The following LRFN2 variants were observed in gnomAD, a reference collection of about 807,000 sequenced individuals.
The protein encoded by LRFN2 is leucine rich repeat and fibronectin type III domain containing 2, also known as leucine-rich repeat and fibronectin type-III domain-containing protein 2.
In LRFN2, 18 loss-of-function variants were observed where a neutral mutation model predicts 37.3. The ratio of observed to expected loss-of-function variants is 0.48; its 90% CI spans 0.33 to 0.72. The LOEUF is 0.72. Ranked by LOEUF, LRFN2 falls within the 30% of genes least tolerant of loss-of-function variation. LRFN2 has a pLI of 0.02. For missense variants in LRFN2, 1,006 were observed against 1,060.7 expected (o/e 0.95, Z 0.72); for synonymous variants, 556 against 466.6 (o/e 1.19, Z -2.47).
At chr6:40,542,680 C>T (rs1766578527) in intron 1 of LRFN2, among the ~76,000 whole-genome samples, 1 of 152,148 alleles carries the variant, frequency 6.6e-6, no homozygotes. Flanking sequence ...AGCCCTGCTC[C>T]CCAACTCTGA....
intron 1 of LRFN2, chr6:40,517,258 A>T (rs1351376352): frequency 6.6e-6 from 1 of 152,126 alleles, no homozygotes; most frequent in Non-Finnish European, 1.5e-5. Flanking sequence ...CCTCTGTACC[A>T]AGTAGAAGGA....
At chr6:40,415,972 G>C (rs1581688213) in intron 2 of LRFN2, among the ~76,000 whole-genome samples, 1 of 152,244 alleles carries the variant, frequency 6.6e-6, no homozygotes, top group East Asian at 1.9e-4. Flanking sequence ...GTTGGAGGTA[G>C]AGGGAGATAG....
intron 2 of LRFN2, among the ~76,000 whole-genome samples, chr6:40,403,052 A>G (rs1237164035): frequency 2.6e-5 from 4 of 152,186 alleles, no homozygotes; most frequent in African/African-American, 9.7e-5. Flanking sequence ...AAGGTAGTAG[A>G]TAGGAGCCAG....
At chr6:40,430,158 G>T (rs1458253150) in intron 2 of LRFN2, among the ~76,000 whole-genome samples, 1 of 152,066 alleles carries the variant, frequency 6.6e-6, no homozygotes, top group East Asian at 1.9e-4. Flanking sequence ...GGTAACTTCC[G>T]ATGCTGCTTT....
In LRFN2 at chr6:40,585,196, C is replaced by T. The variant is rs949674176; in HGVS notation, c.-19+1745G>A. On this transcript the variant is annotated intron_variant, in intron 1 of 2. Transcript: ENST00000338305. Reference sequence around the variant, plus strand: ...ACAGAAATGCCAAGTTTGCTGTTTGCATCCCCAGGATGAGGGCAGGAAGAT... The same window carrying T: ...ACAGAAATGCCAAGTTTGCTGTTTGTATCCCCAGGATGAGGGCAGGAAGAT... Among the ~76,000 whole-genome samples the T allele has an allele frequency of 2.0e-5, 3 of 152,202 alleles. No individual in the cohort carries two copies. The South Asian group carries it at 6.2e-4, about 32-fold the overall frequency.
intron 1 of LRFN2, among the ~76,000 whole-genome samples, chr6:40,484,394 C>T (rs1353198917): frequency 6.6e-6 from 1 of 152,186 alleles, no homozygotes; most frequent in Admixed American, 6.5e-5. Flanking sequence ...TGCCCCCACC[C>T]GCTGAGCCCC....
intron 1 of LRFN2, among the ~76,000 whole-genome samples, chr6:40,582,817 C>T (rs1328274225): frequency 6.6e-6 from 1 of 152,016 alleles, no homozygotes; most frequent in Non-Finnish European, 1.5e-5. Flanking sequence ...CTGAGCGGCC[C>T]AGAACATAGC....
chr6:40,456,520 T>A (rs1053179135), intron 1 of LRFN2, among the ~76,000 whole-genome samples: 6 of 152,242 alleles, frequency 3.9e-5, no homozygotes, highest in African/African-American at 1.4e-4. Flanking sequence ...TGTGCTCTTG[T>A]GTGTGGCCAA....
chr6:40,568,030 C>T (rs1469259136), intron 1 of LRFN2, among the ~76,000 whole-genome samples: 1 of 152,230 alleles, frequency 6.6e-6, no homozygotes, highest in African/African-American at 2.4e-5. Context: ...AAACAAAATT[C>T]ACTCTTCCCA....
At chr6:40,414,598 TG>T (rs772099895) in intron 2 of LRFN2, among the ~76,000 whole-genome samples, 19 of 152,258 alleles carry the variant, frequency 1.2e-4, no homozygotes, top group Non-Finnish European at 2.2e-4. Context: ...CCATTGGCTT[TG>T]TGATTTATAA....
intron 1 of LRFN2, chr6:40,501,639 A>C (rs538967531): frequency 1.4e-4 from 21 of 152,252 alleles, no homozygotes; most frequent in Admixed American, 1.4e-3. Flanking sequence ...ATTTTTAAAT[A>C]ATCAGATTAA....
intron 1 of LRFN2, among the ~76,000 whole-genome samples, chr6:40,541,678 C>A (rs895335786): frequency 6.6e-6 from 1 of 152,128 alleles, no homozygotes; most frequent in Non-Finnish European, 1.5e-5. Flanking sequence ...ATCATTGGCA[C>A]GCTCCCAGAC....
At chr6:40,445,786 T>G (rs1763955751) in intron 1 of LRFN2, among the ~76,000 whole-genome samples, 1 of 152,226 alleles carries the variant, frequency 6.6e-6, no homozygotes, top group Admixed American at 6.5e-5. Context: ...GCTTCAATCC[T>G]GGCCTGCCTC....
intron 1 of LRFN2, among the ~76,000 whole-genome samples, chr6:40,460,370 T>C (rs1430314841): frequency 6.6e-6 from 1 of 152,146 alleles, no homozygotes; most frequent in African/African-American, 2.4e-5. Flanking sequence ...GACCCGGATT[T>C]GCATGCTCCT....
rs145048439 is a variant in LRFN2, at chr6:40,536,120, G to A, written c.-19+50821C>T. Among the ~76,000 whole-genome samples the A allele has an allele frequency of 3.9e-4, 59 of 152,226 alleles. 1 individual carries two copies. The highest frequency in any genetic ancestry group is 1.3e-3 in the African/African-American group (55 of 41,558). On this transcript the variant is annotated intron_variant, in intron 1 of 2. Coordinates refer to ENST00000338305, the MANE Select transcript of LRFN2 (RefSeq NM_020737.3). Reference sequence around the variant, plus strand: ...CAAGCAGAGGCAGAGCAGGAGACCCGGAAAGGCTCAGAGGCTCCTGCCTGA... The same window carrying A: ...CAAGCAGAGGCAGAGCAGGAGACCCAGAAAGGCTCAGAGGCTCCTGCCTGA...
chr6:40,486,499 G>A (rs1764961949), intron 1 of LRFN2, among the ~76,000 whole-genome samples: 1 of 152,148 alleles, frequency 6.6e-6, no homozygotes, highest in African/African-American at 2.4e-5. Flanking sequence ...GATGGGCTTG[G>A]GGGGATGGCA....
chr6:40,457,989 G>C (rs1198428275), intron 1 of LRFN2, among the ~76,000 whole-genome samples: 1 of 152,210 alleles, frequency 6.6e-6, no homozygotes, highest in African/African-American at 2.4e-5. Context: ...AGCCTGGATT[G>C]TTTAGGGCCA....
At chr6:40,472,690 C>G (rs1488719318) in intron 1 of LRFN2, among the ~76,000 whole-genome samples, 1 of 152,168 alleles carries the variant, frequency 6.6e-6, no homozygotes, top group Non-Finnish European at 1.5e-5. Flanking sequence ...TACGGGAGCC[C>G]TGGATGTGAC....
chr6:40,534,348 C>A (rs1169800215), intron 1 of LRFN2, among the ~76,000 whole-genome samples: 1 of 152,118 alleles, frequency 6.6e-6, no homozygotes, highest in Admixed American at 6.5e-5. Flanking sequence ...GTGAATTGCA[C>A]ATTTTCATGG....
Sources: allele counts gnomAD v4.1 joint callset (sites outside exome capture counted in the v4.1 genomes callset), GRCh38; gene constraint gnomAD v4.1.1; transcripts MANE v1.5; gene names NCBI Gene and HGNC (gene_info 2026-07-23, HGNC 2026-07-21).